The following ZFPM2 variants were observed in gnomAD, a reference collection of about 807,000 sequenced individuals.
The protein encoded by ZFPM2 is zinc finger protein ZFPM2.
In ZFPM2, 20 loss-of-function variants were observed where a neutral mutation model predicts 98.6. That is an observed-to-expected ratio of 0.20 (90% confidence interval 0.14 to 0.29). The LOEUF (loss-of-function observed/expected upper bound fraction) is 0.29. ZFPM2 is among the 10% of genes least tolerant of loss of function. The pLI, the probability that ZFPM2 is intolerant of heterozygous loss-of-function variation, is 1.00. For missense variants in ZFPM2, 1,310 were observed against 1,388.6 expected (o/e 0.94, Z 0.90); for synonymous variants, 518 against 502.7 (o/e 1.03, Z -0.41).
intron 1 of ZFPM2, among the ~76,000 whole-genome samples, chr8:105,403,263 T>C (rs536139151): frequency 3.9e-5 from 6 of 152,196 alleles, no homozygotes; most frequent in Non-Finnish European, 7.4e-5. Context: ...TAAACAGAAA[T>C]GTAGGATTAT....
At chr8:105,394,746 C>T (rs1428627573) in intron 1 of ZFPM2, among the ~76,000 whole-genome samples, 1 of 152,166 alleles carries the variant, frequency 6.6e-6, no homozygotes. Context: ...CAGTGAAGAA[C>T]ATGCCTTTTC....
intron 5 of ZFPM2, among the ~76,000 whole-genome samples, chr8:105,671,969 A>G (rs1586188060): frequency 6.6e-6 from 1 of 152,266 alleles, no homozygotes; most frequent in East Asian, 1.9e-4. Flanking sequence ...TACATCTTAT[A>G]TTTATGTTAG....
intron 3 of ZFPM2, among the ~76,000 whole-genome samples, chr8:105,465,448 C>T (rs1812780504): frequency 6.6e-6 from 1 of 151,794 alleles, no homozygotes; most frequent in South Asian, 2.1e-4. Flanking sequence ...TTTATACAAG[C>T]ATCTTTTATT....
At chr8:105,597,477 T>A (rs1815996010) in intron 4 of ZFPM2, among the ~76,000 whole-genome samples, 1 of 152,164 alleles carries the variant, frequency 6.6e-6, no homozygotes, top group Admixed American at 6.6e-5. Flanking sequence ...CTCATGAACA[T>A]GCCATGTACC....
At chr8:105,683,075 C>T (rs1810645895) in intron 5 of ZFPM2, among the ~76,000 whole-genome samples, 1 of 152,030 alleles carries the variant, frequency 6.6e-6, no homozygotes, top group African/African-American at 2.4e-5. Context: ...CCCTTGGGCC[C>T]CTTTTTATAA....
At chr8:105,557,697 T>C in intron 3 of ZFPM2, among the ~76,000 whole-genome samples, 1 of 152,274 alleles carries the variant, frequency 6.6e-6, no homozygotes, top group East Asian at 1.9e-4. Context: ...TAAGTACCAA[T>C]AAATATTTAT....
chr8:105,602,058 C>T (rs1816104106), intron 4 of ZFPM2, among the ~76,000 whole-genome samples: 1 of 152,026 alleles, frequency 6.6e-6, no homozygotes, highest in African/African-American at 2.4e-5. Flanking sequence ...TAGACAGAAG[C>T]TTTGAACTTG....
intron 1 of ZFPM2, chr8:105,418,564 A>C (rs760068820): frequency 1.9e-6 from 1 of 516,518 alleles, no homozygotes; most frequent in Non-Finnish European, 3.9e-6. Context: ...AAAAAATTCA[A>C]TTAATTATGA....
Position 105,801,720 on chromosome 8 carries a change from G to A in ZFPM2, c.1638G>A (p.Lys546=), listed in dbSNP as rs751396197. The A allele has an allele frequency of 6.2e-7, 1 of 1,613,844 alleles. No homozygotes were observed. Among genetic ancestry groups the A allele is most frequent in the South Asian group, 1.1e-5 (1 of 91,084 alleles). ...PPVIYSPLMP[K]GATCFECNIT... is the part of the protein sequence containing the mutation. ...TCATTTACAGCCCTTTGATGCCCAA[G>A]GGGGCTACTTGTTTTGAGTGTAACA... Residue 546 remains lysine, a synonymous_variant, in exon 8 of 8, where the codon AAG becomes AAA. Transcript: ENST00000407775.
At chr8:105,335,251 C>T (rs1175515868) in intron 1 of ZFPM2, among the ~76,000 whole-genome samples, 2 of 151,570 alleles carry the variant, frequency 1.3e-5, no homozygotes, top group Non-Finnish European at 3.0e-5. Context: ...TGTTTTTAAC[C>T]GTGGAGTCTC....
chr8:105,544,821 G>C (rs1814657790), intron 3 of ZFPM2, among the ~76,000 whole-genome samples: 1 of 152,126 alleles, frequency 6.6e-6, no homozygotes, highest in Non-Finnish European at 1.5e-5. Flanking sequence ...TAAATACATG[G>C]AGTGGTGAGA....
At chr8:105,389,890 C>T (rs1811075483) in intron 1 of ZFPM2, among the ~76,000 whole-genome samples, 1 of 152,098 alleles carries the variant, frequency 6.6e-6, no homozygotes, top group Admixed American at 6.6e-5. Context: ...AAATGAGAGC[C>T]TTCTTTAGGG....
chr8:105,450,488 A>G (rs142917895), intron 3 of ZFPM2, among the ~76,000 whole-genome samples: 282 of 152,256 alleles, frequency 1.9e-3, no homozygotes, highest in African/African-American at 6.4e-3. Flanking sequence ...AGCGGAGGAA[A>G]TCCTAGAATG....
intron 5 of ZFPM2, 21 bp downstream of exon 5, chr8:105,634,378 C>A: frequency 6.3e-7 from 1 of 1,578,810 alleles, no homozygotes; most frequent in South Asian, 1.1e-5. Context: ...GATTGTTTCC[C>A]TCTCTCTTTG....
chr8:105,793,805 A>G (rs1313746719), intron 6 of ZFPM2, among the ~76,000 whole-genome samples: 1 of 141,696 alleles, frequency 7.1e-6, no homozygotes, highest in Non-Finnish European at 1.5e-5. Flanking sequence ...TTTTTTCTCT[A>G]AACTTCCCTT....
At chr8:105,622,492 A>G (rs1042228354) in intron 4 of ZFPM2, among the ~76,000 whole-genome samples, 5 of 152,208 alleles carry the variant, frequency 3.3e-5, no homozygotes, top group African/African-American at 4.8e-5. Context: ...CATAAAGAGC[A>G]TCCCATAGAA....
chr8:105,519,724 T>C (rs1355517496), intron 3 of ZFPM2, among the ~76,000 whole-genome samples: 1 of 151,972 alleles, frequency 6.6e-6, no homozygotes, highest in Admixed American at 6.6e-5. Context: ...ACACATGCAA[T>C]ATAGGAACAC....
intron 3 of ZFPM2, among the ~76,000 whole-genome samples, chr8:105,513,707 GA>G (rs1401415661): frequency 1.3e-5 from 2 of 152,128 alleles, no homozygotes; most frequent in Non-Finnish European, 2.9e-5. Flanking sequence ...TTGTCTTTTT[GA>G]AAAGTTATAT....
At chr8:105,610,425 A>G (rs1236846496) in intron 4 of ZFPM2, among the ~76,000 whole-genome samples, 2 of 152,138 alleles carry the variant, frequency 1.3e-5, no homozygotes, top group African/African-American at 4.8e-5. Context: ...TTGAAAAGTT[A>G]AAATAGAAGA....
Sources: gnomAD v4.1 joint callset for allele counts (sites outside exome capture counted in the v4.1 genomes callset) on GRCh38, gnomAD v4.1.1 for gene constraint, MANE v1.5 for transcripts, NCBI Gene and HGNC (gene_info 2026-07-23, HGNC 2026-07-21) for gene names.